The following PADI1 variants were observed in gnomAD, a reference collection of about 807,000 sequenced individuals.
The protein encoded by PADI1 is peptidyl arginine deiminase 1.
A neutral mutation model predicts 74.8 loss-of-function variants in PADI1; 65 were observed. The observed-to-expected ratio is 0.87, with a 90% CI of 0.71 to 1.07. PADI1 has a LOEUF of 1.07. Ranked by LOEUF, PADI1 falls within the 50% of genes least tolerant of loss-of-function variation. The probability of loss-of-function intolerance (pLI) is 0.00; values close to 1 mark genes in which losing one functional copy is unlikely to be tolerated. For synonymous variants in PADI1, 371 were observed against 336.2 expected (o/e 1.10, Z -1.13); for missense variants, 943 against 854.0 (o/e 1.10, Z -1.30).
intron 1 of PADI1, among the ~76,000 whole-genome samples, chr1:17,207,486 A>G (rs2071714542): frequency 6.6e-6 from 1 of 152,242 alleles, no homozygotes; most frequent in Admixed American, 6.5e-5. Context: ...CCATGCATGT[A>G]TAAGACCCCT....
intron 6 of PADI1, among the ~76,000 whole-genome samples, 163 bp downstream of exon 6, chr1:17,226,321 A>G (rs2072310256): frequency 6.6e-6 from 1 of 152,178 alleles, no homozygotes; most frequent in Non-Finnish European, 1.5e-5. Context: ...AGGAGGTTCA[A>G]CAACAACGAG....
At position 17,205,277 on chromosome 1, in the gene PADI1, G is replaced by A. The variant is rs924356728; in HGVS notation, c.60G>A (p.Val20=). The change falls in exon 1 of 16, where the codon GTG becomes GTA. Residue 20 remains valine (V), a synonymous_variant. Transcript: ENST00000375471. ...AGATGCCTACCCATGCCGTGTGTGTGGTGGGAGTCGAGGCACATGTGGACA... is the reference window on the plus strand; with the variant it reads ...AGATGCCTACCCATGCCGTGTGTGTAGTGGGAGTCGAGGCACATGTGGACA... ...SLKMPTHAVC[V]VGVEAHVDIH... is the part of the protein sequence containing the mutation. The A allele has an allele frequency of 2.5e-6, 4 of 1,614,050 alleles. No individual in the cohort carries two copies. The highest frequency in any genetic ancestry group is 1.7e-5 in the Admixed American group (1 of 60,016).
At chr1:17,241,145 C>T (rs570431766) in intron 15 of PADI1, among the ~76,000 whole-genome samples, 1 of 152,326 alleles carries the variant, frequency 6.6e-6, no homozygotes, top group Admixed American at 6.5e-5. Context: ...TGCTGTGTTC[C>T]CCACCACAGC....
intron 1 of PADI1, among the ~76,000 whole-genome samples, chr1:17,206,977 G>A (rs768783215): frequency 5.9e-5 from 9 of 152,080 alleles, no homozygotes; most frequent in Non-Finnish European, 1.3e-4. Context: ...CACCGTACCT[G>A]GCCACTAAAG....
chr1:17,215,409 T>C (rs2071950552), intron 1 of PADI1, among the ~76,000 whole-genome samples: 1 of 149,040 alleles, frequency 6.7e-6, no homozygotes, highest in East Asian at 1.9e-4. Flanking sequence ...ATCATCATCA[T>C]CATCATCATT....
intron 1 of PADI1, among the ~76,000 whole-genome samples, chr1:17,212,194 G>C (rs941514909): frequency 2.6e-5 from 4 of 152,218 alleles, no homozygotes; most frequent in Non-Finnish European, 5.9e-5. Context: ...GAGATTTGCT[G>C]GGCCCTGCTG....
At chr1:17,228,524 C>T in intron 6 of PADI1, 101 bp from the exon 7 acceptor site, 2 of 1,274,658 alleles carry the variant, frequency 1.6e-6, no homozygotes, top group Non-Finnish European at 2.3e-6. Flanking sequence ...AGAGAGGAAC[C>T]CAAGCTGCTC....
At chr1:17,230,957 C>T (rs1420328150) in intron 10 of PADI1, among the ~76,000 whole-genome samples, 1 of 152,192 alleles carries the variant, frequency 6.6e-6, no homozygotes, top group African/African-American at 2.4e-5. Flanking sequence ...CGGCTGGTCA[C>T]CAAGGGGGAA....
At chr1:17,230,934 C>T (rs2072474378) in intron 10 of PADI1, among the ~76,000 whole-genome samples, 1 of 152,184 alleles carries the variant, frequency 6.6e-6, no homozygotes, top group African/African-American at 2.4e-5. Context: ...CAGCAGCCCT[C>T]TTCTGGATAA....
At position 17,244,280 on chromosome 1, in the gene PADI1, T is replaced by C; in HGVS notation, c.*37T>C. The C allele has an allele frequency of 6.6e-7, 1 of 1,504,652 alleles. No homozygotes were observed. The allele number at this position is 1,504,652 out of a possible 1,614,324, so 93.2% of individuals were successfully genotyped here. ...CCCGCCATCCTCTCTGCCCTCTTGCTAGGGAACCCTGCCAGGGTGAAGGCA... is the reference window on the plus strand; with the variant it reads ...CCCGCCATCCTCTCTGCCCTCTTGCCAGGGAACCCTGCCAGGGTGAAGGCA... On this transcript the variant is annotated 3_prime_UTR_variant, in exon 16 of 16. Coordinates refer to ENST00000375471, the MANE Select transcript of PADI1 (RefSeq NM_013358.3).
chr1:17,236,822 G>C lies in PADI1; in HGVS notation c.1314-492G>C, dbSNP rs189739088. On this transcript the variant is annotated intron_variant, in intron 11 of 15. Coordinates refer to ENST00000375471, the MANE Select transcript of PADI1 (RefSeq NM_013358.3). ...AGGAAGGAAGGAAGAGGAAGAAAGA[G>C]AAAAGAAGGAAAGAAAGAAGAGGCA... is the stretch of plus-strand genomic sequence containing the variant. 5.9e-5 allele frequency among the ~76,000 whole-genome samples: 9 copies of C among 152,142 alleles called. No homozygotes were observed. The East Asian group carries it at 1.7e-3, about 29-fold the overall frequency.
chr1:17,219,851 C>T (rs1281175155), intron 1 of PADI1, among the ~76,000 whole-genome samples: 1 of 152,038 alleles, frequency 6.6e-6, no homozygotes, highest in Non-Finnish European at 1.5e-5. Flanking sequence ...AGGGAGATGG[C>T]TGAAGGGGAG....
At chr1:17,235,495 A>T (rs932938519) in intron 11 of PADI1, among the ~76,000 whole-genome samples, 2 of 152,188 alleles carry the variant, frequency 1.3e-5, no homozygotes, top group Admixed American at 6.5e-5. Flanking sequence ...AGCTGGGGAC[A>T]GAGTTCAGGG....
intron 1 of PADI1, among the ~76,000 whole-genome samples, chr1:17,218,744 G>A (rs147786455): frequency 1.1e-3 from 164 of 152,344 alleles, no homozygotes; most frequent in South Asian, 2.3e-3. Flanking sequence ...TGATATTCAC[G>A]TCTGTGTGCT....
chr1:17,223,375 C>A (rs565150959), intron 2 of PADI1: 76 of 517,232 alleles, frequency 1.5e-4, no homozygotes, highest in African/African-American at 1.4e-3. Context: ...ATCCCTCCAC[C>A]TTTCCCCCAC....
Position 17,244,232 on chromosome 1 carries a change from A to T in PADI1, c.1981A>T (p.Met661Leu). 1 of 1,613,498 alleles carries T rather than the reference A, an allele frequency of 6.2e-7. No homozygotes were observed. The highest frequency in any genetic ancestry group is 8.5e-7 in the Non-Finnish European group (1 of 1,179,442). The change falls in exon 16 of 16, where the codon ATG becomes TTG. Residue 661 changes from methionine to leucine, a missense_variant. Transcript: ENST00000375471. Reference protein sequence around the residue: ...RKPFPFKWWNMVP With the variant: ...RKPFPFKWWNLVP Reference sequence around the variant, plus strand: ...GCCCTTTCCCTTCAAATGGTGGAACATGGTGCCCTGAGCCTGCCCCCACCC... The same window carrying T: ...GCCCTTTCCCTTCAAATGGTGGAACTTGGTGCCCTGAGCCTGCCCCCACCC...
chr1:17,232,803 G>C lies in PADI1; in HGVS notation c.1162-16G>C. ...CTCTCCTTCTTGGGGTGGGGGTCTC[G>C]CTGGTTCTTCCATAGGGTCCTGACT... On this transcript the variant is annotated splice_polypyrimidine_tract_variant and intron_variant, in intron 10 of 15. Coordinates refer to ENST00000375471, the MANE Select transcript of PADI1 (RefSeq NM_013358.3). The C allele has an allele frequency of 1.2e-6, 2 of 1,602,350 alleles. No homozygotes were observed. Among genetic ancestry groups the C allele is most frequent in the Non-Finnish European group, 8.5e-7 (1 of 1,172,140 alleles).
In PADI1 at chr1:17,221,574, C is replaced by T. The variant is rs1294733217; in HGVS notation, c.93-716C>T. 3.3e-5 allele frequency among the ~76,000 whole-genome samples: 5 copies of T among 151,698 alleles called. No individual in the cohort carries two copies. The South Asian group carries it at 1.0e-3, about 32-fold the overall frequency. ...ATTAAATGGAGTGATTGGGTGGGGG[C>T]AGGAGCTTGCTGAGAAGGTGACATT... On this transcript the variant is annotated intron_variant, in intron 1 of 15. Coordinates refer to ENST00000375471, the MANE Select transcript of PADI1 (RefSeq NM_013358.3).
intron 1 of PADI1, among the ~76,000 whole-genome samples, chr1:17,214,334 C>T (rs1020921093): frequency 6.6e-6 from 1 of 152,030 alleles, no homozygotes; most frequent in African/African-American, 2.4e-5. Context: ...CAAAAGACCC[C>T]CCTGCCCCCC....
Sources: allele counts gnomAD v4.1 joint callset (sites outside exome capture counted in the v4.1 genomes callset), GRCh38; gene constraint gnomAD v4.1.1; transcripts MANE v1.5; gene names NCBI Gene and HGNC (gene_info 2026-07-23, HGNC 2026-07-21).